The following KCNIP1 variants were observed in gnomAD, a reference collection of about 807,000 sequenced individuals.
KCNIP1 encodes the protein potassium voltage-gated channel interacting protein 1, also known as A-type potassium channel modulatory protein KCNIP1.
A neutral mutation model predicts 33.0 loss-of-function variants in KCNIP1; 18 were observed. That is an observed-to-expected ratio of 0.55 (90% CI 0.38 to 0.81). The LOEUF is 0.81. KCNIP1 is among the 30% of genes least tolerant of loss of function. KCNIP1 has a pLI of 0.00. For missense variants in KCNIP1, 238 were observed against 271.6 expected (o/e 0.88, Z 0.87); for synonymous variants, 93 against 98.3 (o/e 0.95, Z 0.32).
At position 170,718,785 on chromosome 5, in the gene KCNIP1, C is replaced by A. The variant is rs149882468; in HGVS notation, c.89C>A (p.Thr30Asn). The change falls in exon 2 of 8, where the codon ACC becomes AAC. Residue 30 changes from threonine to asparagine, a missense_variant. Coordinates refer to ENST00000328939, the MANE Select transcript of KCNIP1 (RefSeq NM_014592.4). ...KDKIEDELEM[T>N]MVCHRPEGLE... is the part of the protein sequence containing the mutation. ...AAGATTGAAGATGAGCTGGAGATGA[C>A]CATGGTTTGCCATCGGCCCGAGGGA... is the stretch of plus-strand genomic sequence containing the variant. 1 of 1,612,792 alleles carries A rather than the reference C, an allele frequency of 6.2e-7. No homozygotes were observed. The highest frequency in any genetic ancestry group is 1.3e-5 in the African/African-American group (1 of 74,726).
At chr5:170,588,764 G>C (rs751707050) in intron 1 of KCNIP1, among the ~76,000 whole-genome samples, 1 of 152,278 alleles carries the variant, frequency 6.6e-6, no homozygotes, top group Non-Finnish European at 1.5e-5. Flanking sequence ...AATGATCTAA[G>C]ATTGAGAGCC....
intron 1 of KCNIP1, among the ~76,000 whole-genome samples, chr5:170,507,892 A>T (rs1754779198): frequency 6.6e-6 from 1 of 152,088 alleles, no homozygotes. Context: ...AAAGTAGGAG[A>T]GCCCTGCTTT....
chr5:170,655,894 G>A (rs947731306), intron 1 of KCNIP1, among the ~76,000 whole-genome samples: 2 of 152,230 alleles, frequency 1.3e-5, no homozygotes, highest in African/African-American at 4.8e-5. Flanking sequence ...CACCCGGCAA[G>A]AAATTAGAAA....
intron 1 of KCNIP1, among the ~76,000 whole-genome samples, chr5:170,486,977 A>C (rs1286266930): frequency 1.3e-5 from 2 of 152,242 alleles, no homozygotes; most frequent in Non-Finnish European, 2.9e-5. Context: ...AAACAGAACC[A>C]ACAGGATGTG....
chr5:170,565,202 A>G (rs572890737), intron 1 of KCNIP1, among the ~76,000 whole-genome samples: 1 of 152,092 alleles, frequency 6.6e-6, no homozygotes, highest in South Asian at 2.1e-4. Context: ...CTGCCTGCCA[A>G]TTAGTGACGT....
intron 1 of KCNIP1, among the ~76,000 whole-genome samples, chr5:170,369,905 C>G (rs940651683): frequency 3.3e-5 from 5 of 152,210 alleles, no homozygotes; most frequent in Non-Finnish European, 5.9e-5. Flanking sequence ...ATGAAGTGGA[C>G]TCTCAAGGAA....
intron 1 of KCNIP1, among the ~76,000 whole-genome samples, chr5:170,528,754 G>A (rs925922789): frequency 6.6e-6 from 1 of 152,180 alleles, no homozygotes; most frequent in African/African-American, 2.4e-5. Flanking sequence ...AGAAATCTAA[G>A]GTTCTAAATG....
chr5:170,523,439 A>G lies in KCNIP1; in HGVS notation c.61+18806A>G, dbSNP rs186380030. Among the ~76,000 whole-genome samples the G allele has an allele frequency of 2.5e-3, 375 of 152,324 alleles. 1 individual carries two copies. The highest frequency in any genetic ancestry group is 8.7e-3 in the African/African-American group (362 of 41,564). ...TGGGCTGGTGCCAGAGTAGAAAGGCAGGGTTCCGGAACTGCAGCCAGTGGC... is the reference window on the plus strand; with the variant it reads ...TGGGCTGGTGCCAGAGTAGAAAGGCGGGGTTCCGGAACTGCAGCCAGTGGC... On this transcript the variant is annotated intron_variant, in intron 1 of 7. Transcript: ENST00000328939.
intron 1 of KCNIP1, among the ~76,000 whole-genome samples, chr5:170,674,965 G>T (rs919404546): frequency 8.0e-6 from 1 of 125,138 alleles, no homozygotes; most frequent in African/African-American, 3.5e-5. Flanking sequence ...TGCACAGAGG[G>T]TTTTGTTTTG....
intron 1 of KCNIP1, among the ~76,000 whole-genome samples, chr5:170,625,417 C>T (rs956811239): frequency 1.3e-5 from 2 of 152,206 alleles, no homozygotes; most frequent in Non-Finnish European, 2.9e-5. Flanking sequence ...CTGGCTGCGG[C>T]GTAAGCTACC....
In KCNIP1 at chr5:170,356,231, T is replaced by A. The variant is rs115089778; in HGVS notation, c.88+2267T>A. On this transcript the variant is annotated intron_variant, in intron 1 of 7. Coordinates refer to the KCNIP1 transcript ENST00000377360. ...TTTGATTTCACTTATTCATTATTCA[T>A]TGCACTGAGTTCTAGATTTGCAGTA... is the stretch of plus-strand genomic sequence containing the variant. Among the ~76,000 whole-genome samples, 876 of 152,356 alleles carry A rather than the reference T, an allele frequency of 5.7e-3. 8 individuals carry two copies. The highest frequency in any genetic ancestry group is 0.02 in the African/African-American group (827 of 41,568).
At chr5:170,431,959 C>A (rs1755752432) in intron 1 of KCNIP1, among the ~76,000 whole-genome samples, 1 of 152,196 alleles carries the variant, frequency 6.6e-6, no homozygotes, top group Admixed American at 6.5e-5. Context: ...TGCTGGTGGG[C>A]AGATTCCATC....
At chr5:170,652,028 A>G (rs1047780812) in intron 1 of KCNIP1, among the ~76,000 whole-genome samples, 2 of 152,232 alleles carry the variant, frequency 1.3e-5, no homozygotes, top group African/African-American at 4.8e-5. Context: ...TTACTCGGCA[A>G]ATAAATAGGC....
chr5:170,563,797 C>T (rs1313422669), intron 1 of KCNIP1, among the ~76,000 whole-genome samples: 1 of 152,180 alleles, frequency 6.6e-6, no homozygotes, highest in Non-Finnish European at 1.5e-5. Context: ...TGTGCCCCCA[C>T]ACCTGGCTAA....
chr5:170,558,754 A>G (rs1756928138), intron 1 of KCNIP1, among the ~76,000 whole-genome samples: 1 of 152,232 alleles, frequency 6.6e-6, no homozygotes, highest in South Asian at 2.1e-4. Context: ...TGAACTGGAA[A>G]AGCACAAACA....
chr5:170,379,575 T>C (rs575848274), intron 1 of KCNIP1, among the ~76,000 whole-genome samples: 1 of 152,262 alleles, frequency 6.6e-6, no homozygotes, highest in East Asian at 1.9e-4. Flanking sequence ...GAGAGCCAGC[T>C]GCCTCCAGAC....
chr5:170,504,732 C>CG lies in KCNIP1; in HGVS notation c.61+99_61+100insG. ...TGCCTCCCTTAGTCCGGACTCTCCT[C>CG]TCCACGAGGAGCCCGGACAGGTGCT... On this transcript the variant is annotated intron_variant, in intron 1 of 7. Transcript: ENST00000328939. This position sits in a 1 kb window ranked among gnomAD's most constrained non-coding sequence, Gnocchi z 6.0. 1 of 995,944 alleles carries CG rather than the reference C, an allele frequency of 1.0e-6. No individual in the cohort carries two copies. The highest frequency in any genetic ancestry group is 1.6e-6 in the Non-Finnish European group (1 of 627,874). 61.7% of individuals were successfully genotyped at this position (995,944 alleles called of 1,614,324 possible).
At chr5:170,704,412 GTCTTC>G (rs1281946406) in intron 1 of KCNIP1, among the ~76,000 whole-genome samples, 3 of 115,244 alleles carry the variant, frequency 2.6e-5, no homozygotes, top group Admixed American at 2.4e-4. Context: ...CTGAGCCTCC[GTCTTC>G]TCTTCGGTAA....
At chr5:170,487,557 T>C (rs1757124598) in intron 1 of KCNIP1, among the ~76,000 whole-genome samples, 1 of 150,684 alleles carries the variant, frequency 6.6e-6, no homozygotes, top group Non-Finnish European at 1.5e-5. Context: ...GGTCTGGCTG[T>C]GTCACCCAGG....
Sources: allele counts gnomAD v4.1 joint callset (sites outside exome capture counted in the v4.1 genomes callset), GRCh38; gene constraint gnomAD v4.1.1; non-coding constraint Gnocchi (gnomAD v3.1); transcripts MANE v1.5; gene names NCBI Gene and HGNC (gene_info 2026-07-23, HGNC 2026-07-21).